Variants in AP3S2 observed in about 807,000 individuals in gnomAD.
The protein encoded by AP3S2 is AP-3 complex subunit sigma-2.
AP3S2 carries 22 observed loss-of-function variants against 23.4 expected under a neutral mutation model. The observed-to-expected ratio is 0.94, with a 90% CI of 0.67 to 1.34. AP3S2 has a LOEUF of 1.34. Among genes scored for constraint, AP3S2 ranks in the 40% most tolerant of loss-of-function variants. AP3S2 has a pLI of 0.00. For synonymous variants in AP3S2, 86 were observed against 87.1 expected, an observed-to-expected ratio of 0.99 and a Z score of 0.07; for missense variants, 241 against 236.9, an observed-to-expected ratio of 1.02 and a Z score of -0.11.
intron 3 of AP3S2, among the ~76,000 whole-genome samples, chr15:89,884,923 A>G (rs1430460177): frequency 6.6e-6 from 1 of 152,190 alleles, no homozygotes; most frequent in Non-Finnish European, 1.5e-5. Context: ...CTGGGATCAC[A>G]GGCGTGAGCC....
chr15:89,878,402 CAAACA>C (rs1436255064), intron 3 of AP3S2: 18 of 524,856 alleles, frequency 3.4e-5, no homozygotes, highest in East Asian at 6.6e-5. Context: ...AACTTACAAA[CAAACA>C]AAACAAATGA....
intron 4 of AP3S2, among the ~76,000 whole-genome samples, chr15:89,858,517 GAGAGAGAGAAAGAAAGAAAGAAAGAA>G (rs1159296776): frequency 4.0e-5 from 2 of 50,320 alleles, no homozygotes; most frequent in African/African-American, 1.3e-4. Context: ...GAGAGAGAGA[GAGAGAGAGAAAGAAAGAAAGAAAGAA>G]AGAAAGAAAG....
At chr15:89,881,007 T>C (rs1896557932) in intron 3 of AP3S2, among the ~76,000 whole-genome samples, 2 of 152,228 alleles carry the variant, frequency 1.3e-5, no homozygotes, top group Admixed American at 6.5e-5. Context: ...TTACTTCAGA[T>C]AGAGTGCTAA....
intron 4 of AP3S2, among the ~76,000 whole-genome samples, chr15:89,868,135 C>G (rs1596208005): frequency 1.0e-5 from 1 of 99,312 alleles, no homozygotes; most frequent in African/African-American, 3.6e-5. Flanking sequence ...GCCCCCCCAC[C>G]CGGCCAGCCG....
chr15:89,864,773 C>T (rs1012004205), intron 4 of AP3S2, among the ~76,000 whole-genome samples: 1 of 152,018 alleles, frequency 6.6e-6, no homozygotes, highest in South Asian at 2.1e-4. Context: ...AACTCCTGAC[C>T]TAAGTTGACC....
At chr15:89,879,356 T>G (rs1430985899) in intron 3 of AP3S2, among the ~76,000 whole-genome samples, 1 of 152,238 alleles carries the variant, frequency 6.6e-6, no homozygotes, top group African/African-American at 2.4e-5. Flanking sequence ...TTGAGAAATC[T>G]GTACTATGGG....
intron 1 of AP3S2, among the ~76,000 whole-genome samples, chr15:89,891,275 AT>A (rs1305844597): frequency 6.6e-6 from 1 of 152,204 alleles, no homozygotes; most frequent in Non-Finnish European, 1.5e-5. Flanking sequence ...ATGAGGTCTT[AT>A]AAAAATCCTA....
intron 4 of AP3S2, among the ~76,000 whole-genome samples, chr15:89,855,127 C>T (rs534518629): frequency 4.6e-4 from 61 of 132,722 alleles, no homozygotes; most frequent in African/African-American, 1.5e-3. Flanking sequence ...GGATGGTTGC[C>T]GTGTCTGTGT....
rs188570335 is a variant in AP3S2, at chr15:89,831,530, T to A, written c.*3985A>T. On this transcript the variant is annotated 3_prime_UTR_variant, in exon 6 of 6. Transcript: ENST00000336418. ...TACCCATGTACCAATCATTGCTGCATCCTATTTGGAAAGCAATGGACAGAC... is the reference window on the plus strand; with the variant it reads ...TACCCATGTACCAATCATTGCTGCAACCTATTTGGAAAGCAATGGACAGAC... 2.6e-5 allele frequency: 4 copies of A among 152,366 alleles called. No homozygotes were observed. The highest frequency in any genetic ancestry group is 9.6e-5 in the African/African-American group (4 of 41,568). 9.4% of individuals were successfully genotyped at this position (152,366 alleles called of 1,614,324 possible). A position where few individuals can be genotyped will look rare whatever the true frequency, so the allele number is the denominator to read the frequency against.
At chr15:89,850,725 T>TG (rs1301083785) in intron 4 of AP3S2, 1 of 152,062 alleles carries the variant, frequency 6.6e-6, no homozygotes, top group East Asian at 1.9e-4. Context: ...TTCTTTTTTT[T>TG]TTTTGAGACA....
At chr15:89,875,229 A>C (rs576676977) in intron 3 of AP3S2, among the ~76,000 whole-genome samples, 1 of 152,348 alleles carries the variant, frequency 6.6e-6, no homozygotes, top group African/African-American at 2.4e-5. Context: ...CACAGTTTGC[A>C]GCAGCACCAT....
chr15:89,850,644 T>C (rs1426776888), intron 4 of AP3S2: 2 of 153,890 alleles, frequency 1.3e-5, no homozygotes, highest in African/African-American at 2.4e-5. Context: ...ACAAGTTGAA[T>C]GTTTCAGTGA....
rs1896248188 is a variant in AP3S2 at position 89,869,094 on chromosome 15, G to T, written c.345+2381C>A. ...GTGCCCAACAGCTCATTGAGAACGG[G>T]TCAGGATGACAATGGCGGCTTTGTG... On this transcript the variant is annotated intron_variant, in intron 4 of 5. Transcript: ENST00000336418. 1.3e-5 allele frequency among the ~76,000 whole-genome samples: 2 copies of T among 152,184 alleles called. 1 individual carries two copies. The highest frequency in any genetic ancestry group is 4.1e-4 in the South Asian group (2 of 4,832).
chr15:89,869,892 C>A (rs900314228), intron 4 of AP3S2, among the ~76,000 whole-genome samples: 5 of 152,072 alleles, frequency 3.3e-5, no homozygotes, highest in African/African-American at 1.2e-4. Context: ...AAGCGTGCAC[C>A]ATCACGCCTG....
chr15:89,838,767 TG>T (rs1383041749), intron 4 of AP3S2, among the ~76,000 whole-genome samples: 1 of 151,288 alleles, frequency 6.6e-6, no homozygotes, highest in Admixed American at 6.6e-5. Flanking sequence ...ACAGAGACAG[TG>T]GGAGGATGGA....
chr15:89,885,281 G>C (rs1476411806), intron 3 of AP3S2, among the ~76,000 whole-genome samples: 1 of 151,586 alleles, frequency 6.6e-6, no homozygotes, highest in Non-Finnish European at 1.5e-5. Context: ...TGCAACCTCT[G>C]CCTCCCAGGT....
At chr15:89,879,178 G>A (rs542026700) in intron 3 of AP3S2, among the ~76,000 whole-genome samples, 1 of 152,358 alleles carries the variant, frequency 6.6e-6, no homozygotes, top group African/African-American at 2.4e-5. Context: ...TGCACCCAGT[G>A]TGAAAATATT....
chr15:89,858,505 G>A (rs372819311), intron 4 of AP3S2, among the ~76,000 whole-genome samples: 28 of 66,396 alleles, frequency 4.2e-4, no homozygotes, highest in African/African-American at 1.0e-3. Context: ...GAGAGAGAGA[G>A]AGAGAGAGAG....
chr15:89,839,972 C>G (rs1235940689), intron 4 of AP3S2, among the ~76,000 whole-genome samples: 2 of 151,906 alleles, frequency 1.3e-5, no homozygotes, highest in African/African-American at 4.8e-5. Flanking sequence ...AGGATGAGGA[C>G]TGTGTGATTC....
Sources: allele counts gnomAD v4.1 joint callset (sites outside exome capture counted in the v4.1 genomes callset), GRCh38; gene constraint gnomAD v4.1.1; transcripts MANE v1.5; gene names NCBI Gene and HGNC (gene_info 2026-07-23, HGNC 2026-07-21).